Variants in GBF1 observed in about 807,000 individuals in gnomAD.
The protein encoded by GBF1 is Golgi-specific brefeldin A-resistance guanine nucleotide exchange factor 1.
A neutral mutation model predicts 210.5 loss-of-function variants in GBF1; 114 were observed. The ratio of observed to expected loss-of-function variants is 0.54; its 90% CI spans 0.47 to 0.63. GBF1 has a LOEUF of 0.63. Ranked by LOEUF, GBF1 falls within the 30% of genes least tolerant of loss-of-function variation. The pLI is 0.00. For missense variants in GBF1, 1,851 were observed against 2,357.7 expected, an observed-to-expected ratio of 0.79 and a Z score of 4.45; for synonymous variants, 850 against 889.2, an observed-to-expected ratio of 0.96 and a Z score of 0.78.
intron 39 of GBF1, among the ~76,000 whole-genome samples, chr10:102,381,823 G>GAGAAAAAA (rs1554985675): frequency 5.2e-5 from 1 of 19,090 alleles, no homozygotes; most frequent in Non-Finnish European, 9.8e-5. Context: ...ACCCTGTCGC[G>GAGAAAAAA]AAAAAAAAAA....
At chr10:102,264,859 T>C (rs531391417) in intron 3 of GBF1, among the ~76,000 whole-genome samples, 1 of 152,286 alleles carries the variant, frequency 6.6e-6, no homozygotes, top group African/African-American at 2.4e-5. Context: ...AGGGCTGGGG[T>C]GTCCTGGCCT....
At chr10:102,235,166 T>TCCCC in the GBF1 span, among the ~76,000 whole-genome samples, 1,342 of 58,530 alleles carry the variant, frequency 0.023, 8 homozygotes, top group African/African-American at 0.048. Context: ...TTATTACCCT[T>TCCCC]CCCCCACCCC....
Position 102,351,283 on chromosome 10 carries a change from G to T in GBF1, c.323G>T (p.Gly108Val), listed in dbSNP as rs893983730. 1.9e-6 allele frequency: 3 copies of T among 1,606,202 alleles called. No individual in the cohort carries two copies. The highest frequency in any genetic ancestry group is 1.7e-5 in the Admixed American group (1 of 60,006). The change falls in exon 5 of 40, where the codon GGC (glycine) becomes GTC (valine). Residue 108 changes from glycine to valine, a missense_variant. Physicochemically the swap from Gly to Val is moderately radical, Grantham distance 109 (BLOSUM62 -3). Transcript: ENST00000369983. ...IDPTHEGTAE[G>V]MENMADAVTH... is the part of the protein sequence containing the mutation. ...CCCACCCATGAGGGCACAGCAGAGGGCATGGAGAACATGGCAGATGCTGTC... is the reference window on the plus strand; with the variant it reads ...CCCACCCATGAGGGCACAGCAGAGGTCATGGAGAACATGGCAGATGCTGTC...
chr10:102,344,266 G>A (rs1470636540), intron 4 of GBF1, 84 bp downstream of exon 4: 1 of 1,258,288 alleles, frequency 7.9e-7, no homozygotes, highest in Non-Finnish European at 1.1e-6. Context: ...CAATGAGCTG[G>A]TGATAGTGGG....
chr10:102,299,906 AT>A (rs1035573718), intron 3 of GBF1, among the ~76,000 whole-genome samples: 10 of 152,182 alleles, frequency 6.6e-5, no homozygotes, highest in Non-Finnish European at 1.2e-4. Flanking sequence ...TTATTTTATC[AT>A]TGTTATTAAA....
rs768446265 is a variant in GBF1, at chr10:102,359,394, A to G, written c.1139A>G (p.Asn380Ser). The change falls in exon 11 of 40, where the codon AAT (asparagine) becomes AGT (serine). Residue 380 changes from asparagine (N) to serine (S), a missense_variant. Asn to Ser is a conservative substitution (Grantham distance 46). Transcript: ENST00000369983. ...SASVHDMDYVNPRGVRFTQSS... is the reference protein window; with the variant it reads ...SASVHDMDYVSPRGVRFTQSS... The stretch of plus-strand genomic sequence containing the variant: ...TCTGTCCATGACATGGATTACGTCA[A>G]TCCCCGGGGCGTGCGCTTTACACAG... 3.7e-6 allele frequency: 6 copies of G among 1,613,990 alleles called. No homozygotes were observed. Among genetic ancestry groups the G allele is most frequent in the Admixed American group, 1.7e-5 (1 of 60,026 alleles).
intron 29 of GBF1, 26 bp from the exon 30 acceptor site, chr10:102,375,333 C>G (rs200078026): frequency 7.2e-7 from 1 of 1,394,030 alleles, no homozygotes; most frequent in Admixed American, 1.7e-5. Flanking sequence ...CCCGCTTCCC[C>G]GCTCCCTGCC....
Position 102,358,323 on chromosome 10 carries a change from A to C in GBF1, c.787+137A>C. The C allele has an allele frequency of 5.6e-6, 5 of 893,826 alleles. No individual in the cohort carries two copies. In the South Asian group the frequency reaches 8.1e-5, roughly 15 times the overall value. 55.4% of individuals were successfully genotyped at this position (893,826 alleles called of 1,614,324 possible). The stretch of plus-strand genomic sequence containing the variant: ...GAACAAAAAGGGAAACTCCAGGTCA[A>C]ATCAGAGTGTGACCATTCAGCAACT... On this transcript the variant is annotated intron_variant, in intron 9 of 39. Transcript: ENST00000369983.
chr10:102,360,265 G>A lies in GBF1; in HGVS notation c.1262G>A (p.Arg421His), dbSNP rs868387038. ...FLISLTNPHDRHNSEVMIHMG... is the reference protein window; with the variant it reads ...FLISLTNPHDHHNSEVMIHMG... ...ATCTCCCTCACCAATCCACACGACC[G>A]CCATAACTCAGAGGTTATGATTCAC... Residue 421 changes from arginine to histidine, a missense_variant, in exon 12 of 40, where the codon CGC becomes CAC. By Grantham distance (29) the Arg-to-His change is conservative. Coordinates refer to ENST00000369983, the MANE Select transcript of GBF1 (RefSeq NM_001377137.1). 5 of 1,612,540 alleles carry A rather than the reference G, an allele frequency of 3.1e-6. No individual in the cohort carries two copies. The highest frequency in any genetic ancestry group is 1.7e-5 in the Admixed American group (1 of 59,968).
At chr10:102,347,087 T>C (rs896706918) in intron 4 of GBF1, among the ~76,000 whole-genome samples, 2 of 152,224 alleles carry the variant, frequency 1.3e-5, no homozygotes, top group Non-Finnish European at 2.9e-5. Flanking sequence ...TCATTTTCCC[T>C]GATTGGCAGC....
intron 3 of GBF1, among the ~76,000 whole-genome samples, chr10:102,315,640 G>A (rs1230139479): frequency 4.6e-5 from 7 of 152,164 alleles, no homozygotes; most frequent in African/African-American, 1.7e-4. Flanking sequence ...TCACAATAGG[G>A]TTTGTGCTCC....
intron 3 of GBF1, among the ~76,000 whole-genome samples, chr10:102,261,149 C>G (rs912139377): frequency 6.6e-6 from 1 of 152,094 alleles, no homozygotes; most frequent in African/African-American, 2.4e-5. Context: ...GAATTCAGGC[C>G]TCTGTTGCCT....
Position 102,366,288 on chromosome 10 carries a change from T to C in GBF1, c.2310-95T>C. The C allele has an allele frequency of 3.7e-6, 5 of 1,362,188 alleles. No homozygotes were observed. Among genetic ancestry groups the C allele is most frequent in the Non-Finnish European group, 5.2e-6 (5 of 965,050 alleles). 84.4% of individuals were successfully genotyped at this position (1,362,188 alleles called of 1,614,324 possible). On this transcript the variant is annotated intron_variant, in intron 18 of 39. Coordinates refer to ENST00000369983, the MANE Select transcript of GBF1 (RefSeq NM_001377137.1). The surrounding 1 kb of genome is among the most constrained non-coding windows in gnomAD (Gnocchi z 4.0). The stretch of plus-strand genomic sequence containing the variant: ...TTACTAGAGACCTCAGCCTCCTCTC[T>C]TCCAGTAAGAGTAGGTTAGGAGGAC...
At chr10:102,274,846 G>C (rs2074791002) in intron 3 of GBF1, among the ~76,000 whole-genome samples, 1 of 150,806 alleles carries the variant, frequency 6.6e-6, no homozygotes, top group South Asian at 2.1e-4. Context: ...CAAGTAGCTA[G>C]GATTACAGGC....
At chr10:102,365,073 G>A (rs767835957) in intron 17 of GBF1, among the ~76,000 whole-genome samples, 6 of 152,184 alleles carry the variant, frequency 3.9e-5, no homozygotes, top group South Asian at 2.1e-4. Context: ...AAATGTCAGG[G>A]ATGGATATAA....
chr10:102,316,140 G>A (rs1174207108), intron 3 of GBF1, among the ~76,000 whole-genome samples: 1 of 142,916 alleles, frequency 7.0e-6, no homozygotes, highest in African/African-American at 2.6e-5. Flanking sequence ...AAGCTGGAGT[G>A]CAGTGGTGCA....
At chr10:102,316,618 A>G (rs1358162513) in intron 3 of GBF1, among the ~76,000 whole-genome samples, 1 of 152,244 alleles carries the variant, frequency 6.6e-6, no homozygotes, top group Non-Finnish European at 1.5e-5. Flanking sequence ...AATACTTGGC[A>G]TGCCTGACAA....
At chr10:102,309,552 A>T (rs1002911204) in intron 3 of GBF1, among the ~76,000 whole-genome samples, 1 of 152,140 alleles carries the variant, frequency 6.6e-6, no homozygotes, top group African/African-American at 2.4e-5. Context: ...TGGCTTTTTA[A>T]AGCTTTGCTT....
At chr10:102,238,502 C>T in the GBF1 span, among the ~76,000 whole-genome samples, 2 of 152,156 alleles carry the variant, frequency 1.3e-5, no homozygotes, top group South Asian at 2.1e-4. Flanking sequence ...CTGAAGTCCA[C>T]GATAGGGTGG....
Sources: allele counts gnomAD v4.1 joint callset (sites outside exome capture counted in the v4.1 genomes callset), GRCh38; gene constraint gnomAD v4.1.1; non-coding constraint Gnocchi (gnomAD v3.1); transcripts MANE v1.5; gene names NCBI Gene and HGNC (gene_info 2026-07-23, HGNC 2026-07-21).